TMEM178B: variants seen among roughly 807,000 people sequenced by gnomAD.
TMEM178B encodes the protein transmembrane protein 178B.
A neutral mutation model predicts 31.0 loss-of-function variants in TMEM178B; 5 were observed. That is an observed-to-expected ratio of 0.16 (90% CI 0.08 to 0.34). The LOEUF is 0.34. Among genes scored for constraint, TMEM178B ranks in the 10% least tolerant of loss-of-function variants. TMEM178B has a pLI of 1.00. For synonymous variants in TMEM178B, 164 were observed against 164.0 expected, an observed-to-expected ratio of 1.00 and a Z score of 0.00; for missense variants, 275 against 400.3, an observed-to-expected ratio of 0.69 and a Z score of 2.67.
intron 2 of TMEM178B, among the ~76,000 whole-genome samples, chr7:141,230,216 A>T (rs1797419610): frequency 6.6e-6 from 1 of 152,190 alleles, no homozygotes; most frequent in African/African-American, 2.4e-5. Flanking sequence ...TTTGTTTAGG[A>T]TAAATGCCCA....
At chr7:141,342,464 T>A (rs1405419401) in intron 2 of TMEM178B, among the ~76,000 whole-genome samples, 1 of 152,198 alleles carries the variant, frequency 6.6e-6, no homozygotes, top group African/African-American at 2.4e-5. Flanking sequence ...GAGTGAGGAA[T>A]CTCTTGGGAG....
chr7:141,160,157 C>T (rs772221932), intron 1 of TMEM178B, among the ~76,000 whole-genome samples: 4 of 151,852 alleles, frequency 2.6e-5, no homozygotes, highest in South Asian at 4.2e-4. Flanking sequence ...ACCCATCACC[C>T]GAGCAGTGTA....
At chr7:141,342,301 T>C (rs1464834174) in intron 2 of TMEM178B, among the ~76,000 whole-genome samples, 2 of 152,216 alleles carry the variant, frequency 1.3e-5, no homozygotes, top group East Asian at 3.9e-4. Context: ...GATCCTTCAG[T>C]ATCATTGGTT....
rs1802332070 is a variant in TMEM178B at position 141,474,856 on chromosome 7, T to C, written c.*4070T>C. 1 of 152,192 alleles carries C rather than the reference T, an allele frequency of 6.6e-6. No homozygotes were observed. Among genetic ancestry groups the C allele is most frequent in the African/African-American group, 2.4e-5 (1 of 41,450 alleles). The allele number at this position is 152,192 out of a possible 1,614,324, so 9.4% of individuals were successfully genotyped here. On this transcript the variant is annotated 3_prime_UTR_variant, in exon 4 of 4. Transcript: ENST00000565468. ...ATTCAGAATAATGAACTCAGGTACA[T>C]CACCCAGAGGCATTTAGAATGGACT... is the stretch of plus-strand genomic sequence containing the variant.
At position 141,476,261 on chromosome 7, in the gene TMEM178B, C is replaced by T. The variant is rs534990825; in HGVS notation, c.*5475C>T. On this transcript the variant is annotated 3_prime_UTR_variant, in exon 4 of 4. Coordinates refer to ENST00000565468, the MANE Select transcript of TMEM178B (RefSeq NM_001195278.2). Reference sequence around the variant, plus strand: ...TTCAGGTCCCCCAGAGAAATTGGCTCCTTATTTTTCTTTACCTATTCCTAG... The same window carrying T: ...TTCAGGTCCCCCAGAGAAATTGGCTTCTTATTTTTCTTTACCTATTCCTAG... The T allele has an allele frequency of 1.3e-5, 2 of 152,248 alleles. No homozygotes were observed. The highest frequency in any genetic ancestry group is 4.8e-5 in the African/African-American group (2 of 41,562). 9.4% of individuals were successfully genotyped at this position (152,248 alleles called of 1,614,324 possible).
chr7:141,450,185 C>T (rs867299592), intron 3 of TMEM178B, among the ~76,000 whole-genome samples: 3 of 152,188 alleles, frequency 2.0e-5, no homozygotes, highest in Non-Finnish European at 4.4e-5. Flanking sequence ...TTGGAAAATG[C>T]ACTCACCCTA....
chr7:141,455,157 T>C (rs1200532125), intron 3 of TMEM178B, among the ~76,000 whole-genome samples: 1 of 152,242 alleles, frequency 6.6e-6, no homozygotes, highest in Non-Finnish European at 1.5e-5. Flanking sequence ...ATTTCCTTTC[T>C]TGACCTCTCT....
intron 2 of TMEM178B, among the ~76,000 whole-genome samples, chr7:141,229,671 C>G (rs1466944233): frequency 3.3e-5 from 5 of 151,952 alleles, no homozygotes. Context: ...TCCTGTAATC[C>G]CAGCACTTTG....
chr7:141,106,753 G>A (rs935377050), intron 1 of TMEM178B, among the ~76,000 whole-genome samples: 1 of 152,126 alleles, frequency 6.6e-6, no homozygotes, highest in Non-Finnish European at 1.5e-5. Context: ...TATTCTAATT[G>A]TTACTTTTAG....
intron 1 of TMEM178B, among the ~76,000 whole-genome samples, chr7:141,104,620 A>G (rs1281816013): frequency 5.9e-5 from 9 of 152,170 alleles, no homozygotes; most frequent in Non-Finnish European, 1.0e-4. Context: ...GGACTGCTGT[A>G]CCACAGACTG....
chr7:141,470,609 C>T lies in TMEM178B; in HGVS notation c.708C>T (p.Tyr236=), dbSNP rs1802220633. The part of the protein sequence containing the change: ...INFELSRYPR[Y]LYGLPDDISH... ...TTGAGCTGTCACGCTACCCACGCTA[C>T]CTGTACGGACTCCCTGATGACATCA... Residue 236 remains tyrosine (Y), a synonymous_variant, in exon 4 of 4, where the codon TAC becomes TAT. Coordinates refer to ENST00000565468, the MANE Select transcript of TMEM178B (RefSeq NM_001195278.2). The T allele has an allele frequency of 2.0e-6, 3 of 1,535,468 alleles. No individual in the cohort carries two copies. The highest frequency in any genetic ancestry group is 1.4e-5 in the African/African-American group (1 of 73,058).
chr7:141,375,991 T>C (rs1193030023), intron 2 of TMEM178B, among the ~76,000 whole-genome samples: 1 of 152,192 alleles, frequency 6.6e-6, no homozygotes, highest in Non-Finnish European at 1.5e-5. Flanking sequence ...TGACCCTAAG[T>C]TGTGCCAGTC....
In TMEM178B at chr7:141,353,196, G is replaced by A. The variant is rs1237839864; in HGVS notation, c.497-84412G>A. ...ATCTCTCCTTCTCTGCCAACATATC[G>A]GCTGAGTTCGCATTCCAACTGGAAT... On this transcript the variant is annotated intron_variant, in intron 2 of 3. Coordinates refer to ENST00000565468, the MANE Select transcript of TMEM178B (RefSeq NM_001195278.2). Among the ~76,000 whole-genome samples the A allele has an allele frequency of 3.3e-5, 5 of 152,118 alleles. No individual in the cohort carries two copies. In the East Asian group the frequency reaches 9.7e-4, roughly 29 times the overall value.
chr7:141,183,493 A>C (rs1796562328), intron 1 of TMEM178B, among the ~76,000 whole-genome samples: 1 of 152,204 alleles, frequency 6.6e-6, no homozygotes, highest in African/African-American at 2.4e-5. Flanking sequence ...AAATGTAAAT[A>C]AGTATCATTT....
At chr7:141,155,005 C>A (rs543076592) in intron 1 of TMEM178B, among the ~76,000 whole-genome samples, 2 of 152,252 alleles carry the variant, frequency 1.3e-5, no homozygotes, top group Non-Finnish European at 2.9e-5. Context: ...GCTAGGATTA[C>A]AGGTGTGAGC....
At chr7:141,233,577 A>T (rs1430074353) in intron 2 of TMEM178B, among the ~76,000 whole-genome samples, 4 of 152,164 alleles carry the variant, frequency 2.6e-5, no homozygotes, top group Non-Finnish European at 1.5e-5. Flanking sequence ...GGGTGTTGTA[A>T]CTTCCATGTC....
chr7:141,405,826 G>A (rs1800876101), intron 2 of TMEM178B, among the ~76,000 whole-genome samples: 1 of 152,180 alleles, frequency 6.6e-6, no homozygotes, highest in African/African-American at 2.4e-5. Flanking sequence ...CCTTGGAGTG[G>A]CGATGGGGCT....
At chr7:141,227,874 T>C (rs1797372016) in intron 2 of TMEM178B, among the ~76,000 whole-genome samples, 1 of 152,204 alleles carries the variant, frequency 6.6e-6, no homozygotes, top group South Asian at 2.1e-4. Flanking sequence ...TAAAGGATCG[T>C]AGTGACTGTC....
intron 2 of TMEM178B, among the ~76,000 whole-genome samples, chr7:141,376,964 G>A (rs925883390): frequency 5.9e-5 from 9 of 152,074 alleles, no homozygotes; most frequent in Non-Finnish European, 1.0e-4. Context: ...ATTGCTGTAG[G>A]ATAGTGTGCA....
Sources: gnomAD v4.1 joint callset for allele counts (sites outside exome capture counted in the v4.1 genomes callset) on GRCh38, gnomAD v4.1.1 for gene constraint, MANE v1.5 for transcripts, NCBI Gene and HGNC (gene_info 2026-07-23, HGNC 2026-07-21) for gene names.